Variants in TCF4 observed in about 807,000 individuals in gnomAD.
TCF4 encodes the protein SL3-3 enhancer factor 2.
TCF4 carries 3 observed loss-of-function variants against 82.1 expected under a neutral mutation model. The ratio of observed to expected loss-of-function variants is 0.04; its 90% CI spans 0.02 to 0.09. The LOEUF is 0.09. Ranked by LOEUF, TCF4 falls within the 10% of genes least tolerant of loss-of-function variation. TCF4 has a pLI of 1.00. For synonymous variants in TCF4, 276 were observed against 309.6 expected (o/e 0.89, Z 1.14); for missense variants, 518 against 852.7 (o/e 0.61, Z 4.89).
intron 3 of TCF4, among the ~76,000 whole-genome samples, chr18:55,467,408 A>AG (rs2096055151): frequency 6.6e-6 from 1 of 152,132 alleles, no homozygotes; most frequent in African/African-American, 2.4e-5. Flanking sequence ...TTGGCTTATT[A>AG]GGGTCCGTCT....
intron 15 of TCF4, 91 bp downstream of exon 15, chr18:55,254,406 C>A (rs1407504917): frequency 1.6e-6 from 2 of 1,252,204 alleles, no homozygotes; most frequent in Non-Finnish European, 2.3e-6. Context: ...CTCAATAAAG[C>A]TGATTTTTTA....
At chr18:55,513,184 G>C (rs892632543) in intron 3 of TCF4, among the ~76,000 whole-genome samples, 3 of 152,216 alleles carry the variant, frequency 2.0e-5, no homozygotes, top group Non-Finnish European at 4.4e-5. Context: ...CTGACTTCAG[G>C]TCCCACCCTT....
upstream of TCF4, among the ~76,000 whole-genome samples, chr18:55,593,618 C>A (rs1194769673): frequency 6.6e-6 from 1 of 152,198 alleles, no homozygotes; most frequent in Non-Finnish European, 1.5e-5. Context: ...CTCTGGTAAT[C>A]CAGAATGCCC....
At chr18:55,389,986 T>A (rs148562971) in intron 6 of TCF4, among the ~76,000 whole-genome samples, 5 of 152,204 alleles carry the variant, frequency 3.3e-5, no homozygotes, top group Admixed American at 1.3e-4. Flanking sequence ...GGGACACAGA[T>A]GGAAGAACTA....
chr18:55,454,927 C>T (rs991996582), intron 5 of TCF4, among the ~76,000 whole-genome samples: 5 of 152,206 alleles, frequency 3.3e-5, no homozygotes, highest in Non-Finnish European at 7.4e-5. Flanking sequence ...TGGCTCACGC[C>T]TGTAATCCCA....
rs117250477 is a variant in TCF4 at position 55,321,526 on chromosome 18, T to C, written c.549+28833A>G. 4.4e-3 allele frequency: 5,417 copies of C among 1,217,944 alleles called. 18 individuals carry two copies. The highest frequency in any genetic ancestry group is 5.8e-3 in the Non-Finnish European group (4,955 of 859,844). The allele number at this position is 1,217,944 out of a possible 1,614,324, so 75.4% of individuals were successfully genotyped here. A position where few individuals can be genotyped will look rare whatever the true frequency, so the allele number is the denominator to read the frequency against. On this transcript the variant is annotated intron_variant, in intron 8 of 19. Transcript: ENST00000354452. ...AGTAGGCAAGAAGAAGATCTTAGGA[T>C]TGGCAAATGATAAATATTTCATGGC...
At chr18:55,455,181 A>C (rs1463049373) in intron 5 of TCF4, among the ~76,000 whole-genome samples, 1 of 66,364 alleles carries the variant, frequency 1.5e-5, no homozygotes, top group Non-Finnish European at 2.9e-5. Context: ...CTCTGTCTCA[A>C]AAAAAAAAAA....
chr18:55,554,994 A>G lies in TCF4; in HGVS notation c.145+30286T>C, dbSNP rs143130655. 2.8e-4 allele frequency among the ~76,000 whole-genome samples: 43 copies of G among 152,282 alleles called. No homozygotes were observed. The East Asian group carries it at 7.9e-3, about 28-fold the overall frequency. On this transcript the variant is annotated intron_variant, in intron 3 of 19. Transcript: ENST00000354452. ...TCAATTCAAAAAATACTTTGGCTTG[A>G]TATCTTAACTGCAGGTAATTTTTTT...
chr18:55,239,176 G>A (rs116107571), intron 15 of TCF4, among the ~76,000 whole-genome samples: 130 of 152,274 alleles, frequency 8.5e-4, no homozygotes, highest in African/African-American at 2.9e-3. Context: ...TTTGAATCAC[G>A]TAAGCACCAT....
At chr18:55,265,537 T>C (rs2058964880) in intron 11 of TCF4, 1 of 152,198 alleles carries the variant, frequency 6.6e-6, no homozygotes, top group Non-Finnish European at 1.5e-5. Flanking sequence ...AACTAGTTTA[T>C]TGTTCTCTGC....
At chr18:55,232,133 G>A in intron 17 of TCF4, 1 of 214,522 alleles carries the variant, frequency 4.7e-6, no homozygotes, top group African/African-American at 2.3e-5. Flanking sequence ...AAGAGTTATA[G>A]TTGGCACATA....
chr18:55,496,991 C>T (rs754507244), intron 3 of TCF4, among the ~76,000 whole-genome samples: 5 of 151,838 alleles, frequency 3.3e-5, no homozygotes, highest in Non-Finnish European at 7.4e-5. Flanking sequence ...AAATGGCATC[C>T]TGATACTCGT....
chr18:55,328,443 T>G (rs1389351203), intron 8 of TCF4, among the ~76,000 whole-genome samples: 1 of 151,396 alleles, frequency 6.6e-6, no homozygotes, highest in Non-Finnish European at 1.5e-5. Context: ...AGTCTCCAAG[T>G]TTGATACAAA....
At chr18:55,314,022 C>T (rs2073388827) in intron 8 of TCF4, among the ~76,000 whole-genome samples, 1 of 152,062 alleles carries the variant, frequency 6.6e-6, no homozygotes, top group Admixed American at 6.6e-5. Flanking sequence ...AAAGTTGACA[C>T]CAATCCCCAC....
chr18:55,247,732 T>C (rs1001300591), intron 15 of TCF4, among the ~76,000 whole-genome samples: 61 of 152,214 alleles, frequency 4.0e-4, no homozygotes, highest in African/African-American at 1.4e-3. Context: ...CAAACTTTTT[T>C]TCAGGTTAAA....
chr18:55,356,865 T>A (rs2083678093), intron 6 of TCF4, among the ~76,000 whole-genome samples: 1 of 152,168 alleles, frequency 6.6e-6, no homozygotes, highest in South Asian at 2.1e-4. Context: ...AGAAATCAAT[T>A]GCCTTAAACA....
intron 15 of TCF4, among the ~76,000 whole-genome samples, chr18:55,246,126 A>C (rs1021320374): frequency 6.6e-6 from 1 of 152,094 alleles, no homozygotes; most frequent in African/African-American, 2.4e-5. Flanking sequence ...AATGATGATC[A>C]CTGTGCTATT....
upstream of TCF4, among the ~76,000 whole-genome samples, chr18:55,590,225 C>G (rs1489317571): frequency 2.0e-5 from 3 of 152,244 alleles, no homozygotes; most frequent in Non-Finnish European, 4.4e-5. Context: ...GTAAGCCTGA[C>G]CCTGGGTTCT....
chr18:55,326,705 G>GA (rs1269070264), intron 8 of TCF4, among the ~76,000 whole-genome samples: 5 of 151,998 alleles, frequency 3.3e-5, no homozygotes, highest in Admixed American at 3.3e-4. Flanking sequence ...CTTGTCCATT[G>GA]AAAAAAGGAG....
Sources: allele counts gnomAD v4.1 joint callset (sites outside exome capture counted in the v4.1 genomes callset), GRCh38; gene constraint gnomAD v4.1.1; transcripts MANE v1.5; gene names NCBI Gene and HGNC (gene_info 2026-07-23, HGNC 2026-07-21).